PTPRT: variants seen among roughly 807,000 people sequenced by gnomAD.
PTPRT encodes the protein receptor-type tyrosine-protein phosphatase T.
Under a neutral mutation model 176.8 loss-of-function variants are expected in PTPRT, and 56 were observed. The ratio of observed to expected loss-of-function variants is 0.32; its 90% CI spans 0.26 to 0.40. PTPRT has a LOEUF of 0.40. Ranked by LOEUF, PTPRT falls within the 10% of genes least tolerant of loss-of-function variation. The pLI is 1.00. For missense variants in PTPRT, 1,540 were observed against 1,908.2 expected (o/e 0.81, Z 3.60); for synonymous variants, 783 against 739.0 (o/e 1.06, Z -0.96).
intron 14 of PTPRT, 87 bp downstream of exon 14, chr20:42,248,600 T>C: frequency 6.7e-7 from 1 of 1,496,264 alleles, no homozygotes; most frequent in Non-Finnish European, 9.2e-7. Flanking sequence ...TGCTGGACAA[T>C]GATCAACAGA....
intron 9 of PTPRT, among the ~76,000 whole-genome samples, chr20:42,383,789 C>T (rs530684319): frequency 6.6e-6 from 1 of 152,258 alleles, no homozygotes; most frequent in Non-Finnish European, 1.5e-5. Flanking sequence ...TTGAGTTTAG[C>T]TACAGACCCA....
intron 17 of PTPRT, among the ~76,000 whole-genome samples, chr20:42,150,941 G>C (rs1025250043): frequency 6.6e-6 from 1 of 152,068 alleles, no homozygotes; most frequent in Non-Finnish European, 1.5e-5. Flanking sequence ...ACACCCCACG[G>C]AATTTTGTGA....
chr20:42,165,274 T>C (rs1347471842), intron 16 of PTPRT, among the ~76,000 whole-genome samples: 1 of 152,164 alleles, frequency 6.6e-6, no homozygotes, highest in Non-Finnish European at 1.5e-5. Context: ...CTCCAACTGG[T>C]TAAGAAATAT....
At chr20:43,178,571 C>G (rs1456561426) in intron 1 of PTPRT, among the ~76,000 whole-genome samples, 1 of 152,172 alleles carries the variant, frequency 6.6e-6, no homozygotes. Context: ...ATCCAAAGCT[C>G]TGGATCTGAA....
chr20:42,184,590 T>G (rs1296787041), intron 16 of PTPRT, among the ~76,000 whole-genome samples: 2 of 143,886 alleles, frequency 1.4e-5, no homozygotes, highest in African/African-American at 5.3e-5. Context: ...TTCTTCTTCT[T>G]CTTCCTCTTC....
chr20:42,261,489 G>C (rs2056748292), intron 13 of PTPRT, among the ~76,000 whole-genome samples: 1 of 150,958 alleles, frequency 6.6e-6, no homozygotes, highest in South Asian at 2.1e-4. Context: ...CTAAGACCAG[G>C]TGAAGCTGAG....
intron 11 of PTPRT, among the ~76,000 whole-genome samples, chr20:42,343,429 C>T (rs1352277511): frequency 6.6e-6 from 1 of 152,182 alleles, no homozygotes; most frequent in Admixed American, 6.5e-5. Context: ...CAAGCCATGT[C>T]CATTTTACCT....
At chr20:42,396,380 G>A (rs1370011079) in intron 9 of PTPRT, among the ~76,000 whole-genome samples, 4 of 152,098 alleles carry the variant, frequency 2.6e-5, no homozygotes, top group African/African-American at 9.7e-5. Flanking sequence ...TTATTAAAAT[G>A]CCTGCTCAGC....
intron 9 of PTPRT, among the ~76,000 whole-genome samples, chr20:42,424,875 TAA>T (rs987454786): frequency 4.0e-5 from 6 of 150,676 alleles, no homozygotes; most frequent in African/African-American, 1.5e-4. Flanking sequence ...AGAATCCTGT[TAA>T]AGAGAGTTGC....
At chr20:43,100,886 A>C (rs1159474555) in intron 1 of PTPRT, among the ~76,000 whole-genome samples, 1 of 151,166 alleles carries the variant, frequency 6.6e-6, no homozygotes, top group Non-Finnish European at 1.5e-5. Flanking sequence ...TCTTGTGCAC[A>C]TGTGTGGGGC....
chr20:42,650,608 G>A (rs1569055782), intron 7 of PTPRT, among the ~76,000 whole-genome samples: 1 of 152,142 alleles, frequency 6.6e-6, no homozygotes, highest in Admixed American at 6.5e-5. Context: ...CAGGGTTGTT[G>A]AAAGACTCAG....
Position 42,353,351 on chromosome 20 carries a change from A to AC in PTPRT, c.1561-1067dup, listed in dbSNP as rs2058314516. Among the ~76,000 whole-genome samples, 3 of 152,142 alleles carry AC rather than the reference A, an allele frequency of 2.0e-5. No individual in the cohort carries two copies. The South Asian group carries it at 6.2e-4, about 32-fold the overall frequency. The stretch of plus-strand genomic sequence containing the variant: ...AATCCTTGGGGGCATCAGGATAGCT[A>AC]CTCTCATTTTAATAATGGAGAAACT... On this transcript the variant is annotated intron_variant, in intron 9 of 30. Coordinates refer to ENST00000373187, the MANE Select transcript of PTPRT (RefSeq NM_007050.6).
intron 1 of PTPRT, among the ~76,000 whole-genome samples, chr20:43,165,250 C>G (rs2014825664): frequency 6.6e-6 from 1 of 151,910 alleles, no homozygotes; most frequent in African/African-American, 2.4e-5. Context: ...CCTCCACCTC[C>G]TGGGTTCAAG....
intron 11 of PTPRT, among the ~76,000 whole-genome samples, chr20:42,347,656 T>C (rs544448722): frequency 6.6e-6 from 1 of 152,312 alleles, no homozygotes; most frequent in South Asian, 2.1e-4. Flanking sequence ...CCTCATGACA[T>C]GATCCAGTCA....
chr20:42,377,564 C>T (rs1347844419), intron 9 of PTPRT, among the ~76,000 whole-genome samples: 2 of 152,194 alleles, frequency 1.3e-5, no homozygotes. Flanking sequence ...TTGGTGGATC[C>T]TACATGGTGT....
intron 1 of PTPRT, among the ~76,000 whole-genome samples, chr20:42,991,610 G>A (rs920357787): frequency 5.9e-5 from 9 of 151,962 alleles, no homozygotes; most frequent in African/African-American, 2.2e-4. Context: ...CTTTTTGGGG[G>A]ATGATGAAAA....
chr20:42,927,922 AG>A (rs1212424631), intron 1 of PTPRT, among the ~76,000 whole-genome samples: 2 of 152,218 alleles, frequency 1.3e-5, no homozygotes, highest in East Asian at 3.9e-4. Flanking sequence ...AACTTGCTCA[AG>A]GTCACACAGT....
At chr20:43,024,879 C>A (rs1393813009) in intron 1 of PTPRT, among the ~76,000 whole-genome samples, 4 of 152,236 alleles carry the variant, frequency 2.6e-5, no homozygotes, top group African/African-American at 7.2e-5. Flanking sequence ...CCTGGGAGAA[C>A]CAACTCTGTA....
intron 1 of PTPRT, among the ~76,000 whole-genome samples, chr20:42,892,573 G>C (rs1301748738): frequency 2.0e-5 from 3 of 152,160 alleles, no homozygotes; most frequent in Non-Finnish European, 2.9e-5. Context: ...ACTACTTTTG[G>C]TAGAGCTCAT....
Sources: allele counts gnomAD v4.1 joint callset (sites outside exome capture counted in the v4.1 genomes callset), GRCh38; gene constraint gnomAD v4.1.1; transcripts MANE v1.5; gene names NCBI Gene and HGNC (gene_info 2026-07-23, HGNC 2026-07-21).